DGKI: variants seen among roughly 807,000 people sequenced by gnomAD.
DGKI encodes DAG kinase iota.
DGKI carries 55 observed loss-of-function variants against 147.5 expected under a neutral mutation model. The ratio of observed to expected loss-of-function variants is 0.37; its 90% CI spans 0.30 to 0.47. The LOEUF (loss-of-function observed/expected upper bound fraction) is 0.47, where lower values mean the gene tolerates loss of function less well. Ranked by LOEUF, DGKI falls within the 20% of genes least tolerant of loss-of-function variation. The pLI is 1.00. For missense variants in DGKI, 1,007 were observed against 1,323.8 expected, an observed-to-expected ratio of 0.76 and a Z score of 3.71; for synonymous variants, 469 against 477.1, an observed-to-expected ratio of 0.98 and a Z score of 0.22.
intron 1 of DGKI, among the ~76,000 whole-genome samples, chr7:137,803,720 A>G (rs1797281240): frequency 6.6e-6 from 1 of 152,230 alleles, no homozygotes; most frequent in South Asian, 2.1e-4. Flanking sequence ...AGGAGCTTCA[A>G]TTAAAATACA....
intron 27 of DGKI, among the ~76,000 whole-genome samples, chr7:137,447,434 T>C (rs749029628): frequency 1.3e-5 from 2 of 152,150 alleles, no homozygotes; most frequent in African/African-American, 2.4e-5. Flanking sequence ...AACAGGGAGA[T>C]TGATTCAGTA....
chr7:137,513,829 T>G, intron 21 of DGKI: 1 of 688,876 alleles, frequency 1.5e-6, no homozygotes, highest in South Asian at 1.5e-5. Flanking sequence ...CTCTCGGCCT[T>G]AGCGCCATTT....
intron 1 of DGKI, among the ~76,000 whole-genome samples, chr7:137,747,771 C>A (rs1293958170): frequency 6.6e-6 from 1 of 152,158 alleles, no homozygotes; most frequent in Non-Finnish European, 1.5e-5. Context: ...CATTAAAGAT[C>A]TGTTTAGATG....
intron 2 of DGKI, among the ~76,000 whole-genome samples, chr7:137,679,713 C>T (rs1823164526): frequency 6.6e-6 from 1 of 152,014 alleles, no homozygotes; most frequent in African/African-American, 2.4e-5. Context: ...GTTGGCCAGA[C>T]ACGGTGGCTC....
intron 3 of DGKI, among the ~76,000 whole-genome samples, chr7:137,669,898 AAG>A (rs1232760615): frequency 6.6e-6 from 1 of 152,164 alleles, no homozygotes; most frequent in Non-Finnish European, 1.5e-5. Context: ...GAAAACTGCA[AAG>A]CATTGTGTGA....
chr7:137,687,044 C>A (rs541024621), intron 2 of DGKI, among the ~76,000 whole-genome samples: 5 of 152,020 alleles, frequency 3.3e-5, no homozygotes, highest in Admixed American at 2.0e-4. Flanking sequence ...TAGTAGTAGA[C>A]GCCTTTGAGA....
At chr7:137,681,737 G>A (rs1269968243) in intron 2 of DGKI, among the ~76,000 whole-genome samples, 1 of 152,220 alleles carries the variant, frequency 6.6e-6, no homozygotes, top group Non-Finnish European at 1.5e-5. Context: ...GTAGCAGTGG[G>A]TAAAATGTCA....
intron 21 of DGKI, among the ~76,000 whole-genome samples, chr7:137,496,625 G>C (rs57084050): frequency 6.6e-6 from 1 of 151,952 alleles, no homozygotes; most frequent in Non-Finnish European, 1.5e-5. Flanking sequence ...AAACAGAATA[G>C]AGAGTGCAGA....
In DGKI at chr7:137,643,920, C is replaced by T. The variant is rs1821740792; in HGVS notation, c.804+1552G>A. Among the ~76,000 whole-genome samples, 7 of 152,182 alleles carry T rather than the reference C, an allele frequency of 4.6e-5. No homozygotes were observed. The South Asian group carries it at 1.4e-3, about 31-fold the overall frequency. ...GAAGATATTTTTCCAAAGTGAAGGA[C>T]CTATTCATCCAGATTCTTACTACTC... is the stretch of plus-strand genomic sequence containing the variant. On this transcript the variant is annotated intron_variant, in intron 6 of 32. Transcript: ENST00000614521.
At chr7:137,608,895 T>C (rs1051089639) in intron 10 of DGKI, 71 bp downstream of exon 10, 17 of 1,184,844 alleles carry the variant, frequency 1.4e-5, no homozygotes, top group Middle Eastern at 3.8e-4. Flanking sequence ...ACTATTTTAA[T>C]TGGCAGTGAG....
chr7:137,624,075 A>G (rs1461798738), intron 6 of DGKI, among the ~76,000 whole-genome samples: 1 of 152,200 alleles, frequency 6.6e-6, no homozygotes, highest in Non-Finnish European at 1.5e-5. Flanking sequence ...AAGCCCCTTG[A>G]GATGTCTCCA....
intron 3 of DGKI, among the ~76,000 whole-genome samples, chr7:137,668,225 CTAA>C (rs1006921792): frequency 6.6e-6 from 1 of 152,222 alleles, no homozygotes; most frequent in African/African-American, 2.4e-5. Context: ...GGGGAACTGA[CTAA>C]TGACAACCAC....
At chr7:137,689,867 T>A (rs988461178) in intron 2 of DGKI, 27 bp downstream of exon 2, 1 of 1,413,422 alleles carries the variant, frequency 7.1e-7, no homozygotes, top group African/African-American at 1.5e-5. Flanking sequence ...ACTGAAGTGA[T>A]GTTTAAATGA....
At chr7:137,601,511 G>T (rs1352328318) in intron 10 of DGKI, among the ~76,000 whole-genome samples, 1 of 152,170 alleles carries the variant, frequency 6.6e-6, no homozygotes, top group Non-Finnish European at 1.5e-5. Flanking sequence ...CAGTATACTG[G>T]ACATAGTATG....
Position 137,597,858 on chromosome 7 carries a change from C to T in DGKI, c.1300G>A (p.Gly434Arg). ...TCTCAGGGACCTACCGTTCCATCCC[C>T]ACCACAGGCCAGAATTCGCAGATTT... ...VPNLRILACG[G>R]DGTVGWILSI... Residue 434 changes from glycine (G) to arginine (R), a missense_variant, in exon 12 of 33, where the codon GGG (glycine) becomes AGG (arginine). By Grantham distance (125) the Gly-to-Arg change is moderately radical. Coordinates refer to ENST00000614521, the MANE Select transcript of DGKI (RefSeq NM_001321708.2). 6.2e-7 allele frequency: 1 copy of T among 1,613,932 alleles called. No homozygotes were observed. Among genetic ancestry groups the T allele is most frequent in the Non-Finnish European group, 8.5e-7 (1 of 1,179,880 alleles).
intron 19 of DGKI, among the ~76,000 whole-genome samples, chr7:137,558,128 C>A (rs927846725): frequency 3.3e-5 from 5 of 152,192 alleles, no homozygotes; most frequent in Admixed American, 3.3e-4. Context: ...ATTTTACTTA[C>A]ATAATTTGCA....
At chr7:137,536,928 C>T (rs535447275) in intron 20 of DGKI, among the ~76,000 whole-genome samples, 1 of 151,862 alleles carries the variant, frequency 6.6e-6, no homozygotes, top group South Asian at 2.1e-4. Flanking sequence ...AAAAAAACAA[C>T]ATTAACCGAG....
intron 21 of DGKI, among the ~76,000 whole-genome samples, chr7:137,517,323 G>GAA (rs1339769556): frequency 1.3e-4 from 13 of 99,764 alleles, no homozygotes; most frequent in South Asian, 1.2e-3. Flanking sequence ...AAGAAAGAAA[G>GAA]AAAGAAAGAA....
intron 8 of DGKI, among the ~76,000 whole-genome samples, chr7:137,611,522 T>C (rs1820364492): frequency 6.6e-6 from 1 of 152,194 alleles, no homozygotes; most frequent in Non-Finnish European, 1.5e-5. Flanking sequence ...AATATACGTC[T>C]GGTATGGACT....
Sources: gnomAD v4.1 joint callset for allele counts (sites outside exome capture counted in the v4.1 genomes callset) on GRCh38, gnomAD v4.1.1 for gene constraint, MANE v1.5 for transcripts, NCBI Gene and HGNC (gene_info 2026-07-23, HGNC 2026-07-21) for gene names.